The following NTMT1 variants were observed in gnomAD, a reference collection of about 807,000 sequenced individuals.
The protein encoded by NTMT1 is N-terminal Xaa-Pro-Lys N-methyltransferase 1, also known as N-terminal RCC1 methyltransferase.
Under a neutral mutation model 17.5 loss-of-function variants are expected in NTMT1, and 8 were observed. That is an observed-to-expected ratio of 0.46 (90% CI 0.27 to 0.82). The LOEUF is 0.82. Ranked by LOEUF, NTMT1 falls within the 40% of genes least tolerant of loss-of-function variation. The pLI is 0.15. For synonymous variants in NTMT1, 128 were observed against 126.8 expected, an observed-to-expected ratio of 1.01 and a Z score of -0.06; for missense variants, 221 against 303.5, an observed-to-expected ratio of 0.73 and a Z score of 2.02.
upstream of NTMT1, among the ~76,000 whole-genome samples, chr9:129,623,038 AAAAAG>A (rs1177747823): frequency 8.6e-5 from 13 of 151,178 alleles, no homozygotes; most frequent in South Asian, 6.3e-4. Flanking sequence ...CCATAAAAAA[AAAAAG>A]AAAGAAAGAG....
rs1182390976 is a variant in NTMT1 at position 129,632,631 on chromosome 9, C to T, written c.-54-19C>T. 1.1e-5 allele frequency: 17 copies of T among 1,576,464 alleles called. No individual in the cohort carries two copies. In the East Asian group the frequency reaches 2.0e-4, roughly 19 times the overall value. On this transcript the variant is annotated intron_variant, in intron 1 of 3. Transcript: ENST00000372483. Reference sequence around the variant, plus strand: ...GCCAGGTCCCTGGCCCGCTGACTCACGCCCCCTTCCTTACCCAGGAGAGTC... The same window carrying T: ...GCCAGGTCCCTGGCCCGCTGACTCATGCCCCCTTCCTTACCCAGGAGAGTC...
rs376823712 is a variant in NTMT1, at chr9:129,634,162, G to C, written c.271G>C (p.Asp91His). The change falls in exon 3 of 4, where the codon GAC becomes CAC. Residue 91 changes from aspartate to histidine, a missense_variant. By Grantham distance (81) the Asp-to-His change is moderately conservative. Coordinates refer to ENST00000372483, the MANE Select transcript of NTMT1 (RefSeq NM_014064.4). Reference sequence around the variant, plus strand: ...GCTGTTCAGAGAGGTGGATATGGTCGACATAACGGAGGACTTCCTGGTTCA... The same window carrying C: ...GCTGTTCAGAGAGGTGGATATGGTCCACATAACGGAGGACTTCCTGGTTCA... ...LPLFREVDMV[D>H]ITEDFLVQAK... is the part of the protein sequence containing the mutation. The C allele has an allele frequency of 6.2e-7, 1 of 1,614,170 alleles. No homozygotes were observed. The highest frequency in any genetic ancestry group is 8.5e-7 in the Non-Finnish European group (1 of 1,180,022).
At position 129,613,224 on chromosome 9, in the gene NTMT1, A is replaced by G; in HGVS notation, c.-55+4046A>G. 6.2e-7 allele frequency: 1 copy of G among 1,611,862 alleles called. No individual in the cohort carries two copies. Among genetic ancestry groups the G allele is most frequent in the Non-Finnish European group, 8.5e-7 (1 of 1,178,872 alleles). ...TGCTGTTCATGGAGGTGTCCTCAGAAAGGTAGCCCTGTGTCTTCTGGGTGG... is the reference window on the plus strand; with the variant it reads ...TGCTGTTCATGGAGGTGTCCTCAGAGAGGTAGCCCTGTGTCTTCTGGGTGG... On this transcript the variant is annotated intron_variant, in intron 1 of 3. Transcript: ENST00000372486. This position sits in a 1 kb window ranked among gnomAD's most constrained non-coding sequence, Gnocchi z 6.2.
At chr9:129,612,302 C>T in intron 1 of NTMT1, 1 of 1,528,126 alleles carries the variant, frequency 6.5e-7, no homozygotes. Context: ...GGACGCTCCT[C>T]ATTGCCTGGC....
Position 129,620,614 on chromosome 9 carries a change from G to A in NTMT1, c.-55+11436G>A. On this transcript the variant is annotated intron_variant, in intron 1 of 3. Coordinates refer to the NTMT1 transcript ENST00000372486. The surrounding 1 kb of genome is among the most constrained non-coding windows in gnomAD (Gnocchi z 5.8). ...TCAGCTCACCGCACCCTCAGCGCGC[G>A]TGGGTGGGGGGCGCCGGCTGAGGTG... 7.7e-7 allele frequency: 1 copy of A among 1,300,892 alleles called. No individual in the cohort carries two copies. Among genetic ancestry groups the A allele is most frequent in the Middle Eastern group, 3.0e-4 (1 of 3,280 alleles). 80.6% of individuals were successfully genotyped at this position (1,300,892 alleles called of 1,614,324 possible).
At chr9:129,619,518 ACTGGTTGGC>A in intron 1 of NTMT1, 2 of 1,609,144 alleles carry the variant, frequency 1.2e-6, no homozygotes, top group Non-Finnish European at 1.7e-6. Context: ...CCCATCACTC[ACTGGTTGGC>A]CTTTCTGACA....
At chr9:129,631,593 A>G (rs913795951) in intron 1 of NTMT1, among the ~76,000 whole-genome samples, 2 of 151,954 alleles carry the variant, frequency 1.3e-5, no homozygotes, top group African/African-American at 2.4e-5. Context: ...TTCCCGGGCC[A>G]CTCTCTGTTG....
chr9:129,617,430 G>GAAC (rs1484856410), intron 1 of NTMT1, among the ~76,000 whole-genome samples: 3 of 152,190 alleles, frequency 2.0e-5, no homozygotes, highest in African/African-American at 7.2e-5. Context: ...CTTCACTCGA[G>GAAC]GGCCACTGGA....
Position 129,620,534 on chromosome 9 carries a change from GC to G in NTMT1, c.-55+11358del. 6.9e-7 allele frequency: 1 copy of G among 1,442,724 alleles called. No individual in the cohort carries two copies. Among genetic ancestry groups the G allele is most frequent in the Non-Finnish European group, 9.1e-7 (1 of 1,095,286 alleles). The allele number at this position is 1,442,724 out of a possible 1,614,324, so 89.4% of individuals were successfully genotyped here. A position where few individuals can be genotyped will look rare whatever the true frequency, so the allele number is the denominator to read the frequency against. On this transcript the variant is annotated intron_variant, in intron 1 of 3. Transcript: ENST00000372486. The surrounding 1 kb of genome is among the most constrained non-coding windows in gnomAD (Gnocchi z 5.8). ...TCCGTCGCCAGGGAGCCCCTTGGGC[GC>G]CAGGTCCTGGGCCCCTGGGCGAAGT...
chr9:129,629,165 G>A (rs1003248035), intron 1 of NTMT1, among the ~76,000 whole-genome samples: 8 of 151,966 alleles, frequency 5.3e-5, no homozygotes, highest in East Asian at 1.9e-4. Context: ...TTTGAATGCC[G>A]TCCTCTCTTG....
chr9:129,615,413 G>T (rs936809488), intron 1 of NTMT1: 4 of 1,461,064 alleles, frequency 2.7e-6, no homozygotes, highest in Non-Finnish European at 3.6e-6. Flanking sequence ...TAGGGGCCCG[G>T]AGCTACAGCC....
chr9:129,619,973 G>T (rs1830594198), intron 1 of NTMT1: 1 of 1,476,740 alleles, frequency 6.8e-7, no homozygotes, highest in Admixed American at 2.0e-5. Context: ...CATCCTTCTA[G>T]CCTGGGTGGT....
chr9:129,611,775 C>G (rs990166535), intron 1 of NTMT1, among the ~76,000 whole-genome samples: 2 of 152,008 alleles, frequency 1.3e-5, no homozygotes, highest in Non-Finnish European at 2.9e-5. Context: ...TTTTTTGAGA[C>G]AAGGTCTTAC....
In NTMT1 at chr9:129,632,748, G is replaced by C; in HGVS notation, c.45G>C (p.Lys15Asn). 1.9e-6 allele frequency: 3 copies of C among 1,614,188 alleles called. No individual in the cohort carries two copies. The highest frequency in any genetic ancestry group is 2.5e-6 in the Non-Finnish European group (3 of 1,180,028). ...VIEDEKQFYS[K>N]AKTYWKQIPP... ...AAGACGAGAAGCAATTCTATTCCAA[G>C]GCCAAGACCTACTGGAAACAAATCC... is the stretch of plus-strand genomic sequence containing the variant. The change falls in exon 2 of 4, where the codon AAG becomes AAC. Residue 15 changes from lysine (K) to asparagine (N), a missense_variant. Lys to Asn is a moderately conservative substitution (Grantham distance 94). Transcript: ENST00000372483.
chr9:129,620,955 C>T lies in NTMT1; in HGVS notation c.-54-11695C>T, dbSNP rs1476339235. ...TATTATTTAGGATTTAGTCCCAGCT[C>T]CACCACTTATTAGCTTTGTAACCTT... On this transcript the variant is annotated intron_variant, in intron 1 of 3. Transcript: ENST00000372486. This position sits in a 1 kb window ranked among gnomAD's most constrained non-coding sequence, Gnocchi z 5.8. Among the ~76,000 whole-genome samples the T allele has an allele frequency of 4.6e-5, 7 of 152,248 alleles. No individual in the cohort carries two copies. The highest frequency in any genetic ancestry group is 8.8e-5 in the Non-Finnish European group (6 of 68,040).
intron 1 of NTMT1, among the ~76,000 whole-genome samples, chr9:129,630,037 C>T (rs903508638): frequency 2.0e-5 from 3 of 152,242 alleles, no homozygotes; most frequent in Non-Finnish European, 2.9e-5. Flanking sequence ...CTAAGAAGAA[C>T]CCCGTTGCAT....
rs896460877 is a variant in NTMT1 at position 129,620,417 on chromosome 9, C to T, written c.-55+11239C>T. 1 of 1,251,634 alleles carries T rather than the reference C, an allele frequency of 8.0e-7. No homozygotes were observed. Among genetic ancestry groups the T allele is most frequent in the South Asian group, 3.1e-5 (1 of 31,838 alleles). 77.5% of individuals were successfully genotyped at this position (1,251,634 alleles called of 1,614,324 possible). A position where few individuals can be genotyped will look rare whatever the true frequency, so the allele number is the denominator to read the frequency against. ...CCACGCGGCGCCGCCCCCCGGGATC[C>T]TCCAGTCCCCGGAGCCCCGCGCGCC... On this transcript the variant is annotated intron_variant, in intron 1 of 3. Coordinates refer to the NTMT1 transcript ENST00000372486. The surrounding 1 kb of genome is among the most constrained non-coding windows in gnomAD (Gnocchi z 5.8).
rs199856660 is a variant in NTMT1, at chr9:129,619,723, A to G, written c.-55+10545A>G. On this transcript the variant is annotated intron_variant, in intron 1 of 3. Transcript: ENST00000372486. Reference sequence around the variant, plus strand: ...GATGGCAACCCCGTCCCCACCAAGAAGCGGACTGACGCTTACCACAGGTCT... The same window carrying G: ...GATGGCAACCCCGTCCCCACCAAGAGGCGGACTGACGCTTACCACAGGTCT... 1.8e-5 allele frequency: 29 copies of G among 1,613,666 alleles called. No individual in the cohort carries two copies. In the East Asian group the frequency reaches 6.2e-4, roughly 35 times the overall value.
chr9:129,624,595 G>T (rs1419714028), upstream of NTMT1, among the ~76,000 whole-genome samples: 1 of 152,210 alleles, frequency 6.6e-6, no homozygotes, highest in Non-Finnish European at 1.5e-5. Flanking sequence ...CCTTCTGTGT[G>T]CGTCGCCCAG....
Sources: allele counts gnomAD v4.1 joint callset (sites outside exome capture counted in the v4.1 genomes callset), GRCh38; gene constraint gnomAD v4.1.1; non-coding constraint Gnocchi (gnomAD v3.1); transcripts MANE v1.5; gene names NCBI Gene and HGNC (gene_info 2026-07-23, HGNC 2026-07-21).